The following ZNF469 variants were observed in gnomAD, a reference collection of about 807,000 sequenced individuals.
ZNF469 encodes zinc finger protein 469.
ZNF469 carries 1 observed loss-of-function variant against 1.0 expected under a neutral mutation model. That is an observed-to-expected ratio of 1.00 (90% CI 0.35 to 4.73). The LOEUF (loss-of-function observed/expected upper bound fraction) is 4.73. Among genes scored for constraint, ZNF469 ranks in the 30% most tolerant of loss-of-function variants. ZNF469 has a pLI of 0.16. For synonymous variants in ZNF469, 2,703 were observed against 2,363.4 expected, an observed-to-expected ratio of 1.14 and a Z score of -4.17; for missense variants, 6,100 against 5,356.3, an observed-to-expected ratio of 1.14 and a Z score of -4.33.
At position 88,438,173 on chromosome 16, in the gene ZNF469, A is replaced by T. The variant is rs1439865135; in HGVS notation, c.10703A>T (p.Asp3568Val). The T allele has an allele frequency of 1.3e-6, 2 of 1,549,556 alleles. No homozygotes were observed. Among genetic ancestry groups the T allele is most frequent in the East Asian group, 4.9e-5 (2 of 40,882 alleles). Residue 3568 changes from aspartate (D) to valine (V), a missense_variant, in exon 3 of 3, where the codon GAC (aspartate) becomes GTC (valine). By Grantham distance (152) the Asp-to-Val change is radical (BLOSUM62 -3). Coordinates refer to ENST00000565624, the MANE Select transcript of ZNF469 (RefSeq NM_001367624.2). The part of the protein sequence containing the change: ...FPAALADGRG[D>V]CALDGALERP... ...GCTGCCTTGGCTGATGGCAGAGGAG[A>T]CTGCGCGCTGGACGGAGCCCTGGAG...
At chr16:88,158,784 G>A in the ZNF469 span, among the ~76,000 whole-genome samples, 206 of 152,350 alleles carry the variant, frequency 1.4e-3, no homozygotes, top group African/African-American at 4.8e-3. Flanking sequence ...GAGTCAGAGT[G>A]CAGACAGGAC....
the ZNF469 span, among the ~76,000 whole-genome samples, chr16:88,271,940 G>T: frequency 2.6e-5 from 4 of 152,138 alleles, no homozygotes; most frequent in African/African-American, 9.7e-5. Flanking sequence ...TGAGTGGGTG[G>T]ATGGATGAAT....
Position 88,382,986 on chromosome 16 carries a change from G to C in ZNF469, c.-460G>C, listed in dbSNP as rs2092529164. On this transcript the variant is annotated 5_prime_UTR_variant, in exon 1 of 3. Coordinates refer to ENST00000565624, the MANE Select transcript of ZNF469 (RefSeq NM_001367624.2). The stretch of plus-strand genomic sequence containing the variant: ...ACCCCGCGGCCGCCGGCCGGCGTCC[G>C]GCCTTCCCAGCACCCGGCCCAGGGC... 6.6e-6 allele frequency among the ~76,000 whole-genome samples: 1 copy of C among 151,832 alleles called. No individual in the cohort carries two copies. The highest frequency in any genetic ancestry group is 1.5e-5 in the Non-Finnish European group (1 of 67,930).
the ZNF469 span, among the ~76,000 whole-genome samples, chr16:88,163,612 A>AGATG: frequency 0.01 from 1,324 of 129,864 alleles, 12 homozygotes; most frequent in Middle Eastern, 0.027. Context: ...GTGCATTGGT[A>AGATG]GATGGATGGA....
chr16:88,351,850 T>A, the ZNF469 span, among the ~76,000 whole-genome samples: 1 of 152,328 alleles, frequency 6.6e-6, no homozygotes, highest in South Asian at 2.1e-4. Context: ...AAATGACAAG[T>A]GGTGCCGTGC....
the ZNF469 span, among the ~76,000 whole-genome samples, chr16:88,284,099 C>A: frequency 1.0e-4 from 13 of 128,754 alleles, 1 homozygote; most frequent in South Asian, 2.8e-3. Flanking sequence ...GGCTGGTAGA[C>A]CCCGAGTGTG....
chr16:88,397,663 T>C (rs1567500492), intron 1 of ZNF469, among the ~76,000 whole-genome samples: 1 of 134,052 alleles, frequency 7.5e-6, no homozygotes, highest in African/African-American at 3.2e-5. Flanking sequence ...AAGAGATAGA[T>C]AGATAGATAG....
chr16:88,382,143 C>CTG (rs2092526893), upstream of ZNF469, among the ~76,000 whole-genome samples: 1 of 152,252 alleles, frequency 6.6e-6, no homozygotes. Flanking sequence ...TCCCCAGATG[C>CTG]TGCCCGTAAC....
the ZNF469 span, among the ~76,000 whole-genome samples, chr16:88,236,148 A>G: frequency 6.6e-6 from 1 of 152,262 alleles, no homozygotes; most frequent in Non-Finnish European, 1.5e-5. Context: ...AATGTCTCCT[A>G]TTGAGACCTT....
the ZNF469 span, among the ~76,000 whole-genome samples, chr16:88,341,967 C>T: frequency 1.3e-5 from 2 of 152,172 alleles, no homozygotes; most frequent in East Asian, 1.9e-4. Context: ...GTGTGGACTT[C>T]GAGGTGCCCA....
At chr16:88,187,505 G>A in the ZNF469 span, among the ~76,000 whole-genome samples, 2 of 152,248 alleles carry the variant, frequency 1.3e-5, no homozygotes, top group African/African-American at 4.8e-5. Context: ...AGTAGGACAG[G>A]GAGGCCCCTT....
chr16:88,126,716 C>G, the ZNF469 span, among the ~76,000 whole-genome samples: 1 of 151,846 alleles, frequency 6.6e-6, no homozygotes, highest in African/African-American at 2.4e-5. Flanking sequence ...TGCAGTGGCT[C>G]GATCTCGGCT....
At chr16:88,394,234 A>G (rs960535854) in intron 1 of ZNF469, among the ~76,000 whole-genome samples, 16,615 of 96,968 alleles carry the variant, frequency 0.17, 3,249 homozygotes, top group Middle Eastern at 0.23. Context: ...TGTGCTGTCC[A>G]AGAGGAGCAG....
At chr16:88,319,857 G>A in the ZNF469 span, among the ~76,000 whole-genome samples, 1 of 152,158 alleles carries the variant, frequency 6.6e-6, no homozygotes, top group African/African-American at 2.4e-5. Context: ...TGGGTGAGGA[G>A]CTGGGCCTCA....
At chr16:88,144,844 C>A in the ZNF469 span, among the ~76,000 whole-genome samples, 1 of 149,396 alleles carries the variant, frequency 6.7e-6, no homozygotes, top group East Asian at 2.0e-4. Context: ...CTGTTTTTGC[C>A]CCCCTTTTTT....
the ZNF469 span, among the ~76,000 whole-genome samples, chr16:88,252,123 T>G: frequency 2.1e-5 from 3 of 141,396 alleles, no homozygotes; most frequent in African/African-American, 7.7e-5. Flanking sequence ...GGGCATGCAC[T>G]CATTTAAAAA....
the ZNF469 span, among the ~76,000 whole-genome samples, chr16:88,348,126 T>C: frequency 4.6e-5 from 7 of 152,248 alleles, no homozygotes; most frequent in Non-Finnish European, 5.9e-5. Flanking sequence ...CGCATCTGTG[T>C]GCGTCCCCTG....
chr16:88,260,146 GT>G, the ZNF469 span, among the ~76,000 whole-genome samples: 52,327 of 137,070 alleles, frequency 0.38, 9,467 homozygotes, highest in African/African-American at 0.48. This position sits in a 1 kb window ranked among gnomAD's most constrained non-coding sequence, Gnocchi z 4.1. Flanking sequence ...CCCTGCTAGT[GT>G]TTTTTTTTTT....
the ZNF469 span, among the ~76,000 whole-genome samples, chr16:88,308,518 G>T: frequency 5.9e-5 from 9 of 152,124 alleles, no homozygotes; most frequent in Non-Finnish European, 1.3e-4. Flanking sequence ...CCCCCAGCCT[G>T]CCCCTCCACA....
Sources: allele counts gnomAD v4.1 joint callset (sites outside exome capture counted in the v4.1 genomes callset), GRCh38; gene constraint gnomAD v4.1.1; non-coding constraint Gnocchi (gnomAD v3.1); transcripts MANE v1.5; gene names NCBI Gene and HGNC (gene_info 2026-07-23, HGNC 2026-07-21).